GRID2: variants seen among roughly 807,000 people sequenced by gnomAD.
GRID2 encodes the protein glutamate ionotropic receptor delta type subunit 2, also known as glutamate receptor ionotropic, delta-2.
In GRID2, 33 loss-of-function variants were observed where a neutral mutation model predicts 114.8. That is an observed-to-expected ratio of 0.29 (90% confidence interval 0.22 to 0.38). The LOEUF is 0.38. Ranked by LOEUF, GRID2 falls within the 10% of genes least tolerant of loss-of-function variation. The probability of loss-of-function intolerance (pLI) is 1.00; values close to 1 mark genes in which losing one functional copy is unlikely to be tolerated. For missense variants in GRID2, 1,184 were observed against 1,257.7 expected (o/e 0.94, Z 0.89); for synonymous variants, 505 against 449.9 (o/e 1.12, Z -1.55).
chr4:93,344,876 T>G (rs190741421), intron 8 of GRID2, among the ~76,000 whole-genome samples: 88 of 151,948 alleles, frequency 5.8e-4, no homozygotes, highest in African/African-American at 2.0e-3. Context: ...CATGTAGTAT[T>G]TGTCTTTCTA....
intron 2 of GRID2, among the ~76,000 whole-genome samples, chr4:92,938,171 C>A (rs1233749153): frequency 2.0e-5 from 3 of 146,492 alleles, no homozygotes; most frequent in Admixed American, 7.4e-5. Context: ...TGTTGAACCA[C>A]CCTGGTATTG....
chr4:93,188,976 A>AC (rs1379857447), intron 4 of GRID2, among the ~76,000 whole-genome samples: 1 of 152,174 alleles, frequency 6.6e-6, no homozygotes, highest in Admixed American at 6.5e-5. Context: ...CCATTTAGGT[A>AC]ATCTCTAAAA....
At chr4:93,006,295 CAG>C (rs1302858231) in intron 2 of GRID2, among the ~76,000 whole-genome samples, 2 of 152,010 alleles carry the variant, frequency 1.3e-5, no homozygotes, top group Non-Finnish European at 2.9e-5. Context: ...GAAAGACAGA[CAG>C]AGACTGTGCA....
Position 92,979,225 on chromosome 4 carries a change from TG to T in GRID2, c.245-105769del, listed in dbSNP as rs1754044176. On this transcript the variant is annotated intron_variant, in intron 2 of 15. Transcript: ENST00000282020. ...TCATTATTAATTGAATATTATATGC[TG>T]AAAAGGTAATATTCTGGATACATTT... 2.0e-5 allele frequency among the ~76,000 whole-genome samples: 3 copies of T among 152,126 alleles called. No homozygotes were observed. The South Asian group carries it at 6.2e-4, about 32-fold the overall frequency.
At chr4:93,349,017 C>A (rs1022424833) in intron 8 of GRID2, among the ~76,000 whole-genome samples, 15 of 152,070 alleles carry the variant, frequency 9.9e-5, no homozygotes, top group Non-Finnish European at 1.8e-4. Context: ...GCTGAAACTG[C>A]CTCTAAAAGC....
At position 93,328,923 on chromosome 4, in the gene GRID2, G is replaced by A. The variant is rs554309018; in HGVS notation, c.1246-66684G>A. On this transcript the variant is annotated intron_variant, in intron 8 of 15. Transcript: ENST00000282020. ...CAAGGATAAAACTCTAGAGAAGGCC[G>A]ATACTTATTTTATGCTTTCTAAAGA... Among the ~76,000 whole-genome samples the A allele has an allele frequency of 5.3e-5, 8 of 152,202 alleles. No individual in the cohort carries two copies. In the South Asian group the frequency reaches 8.3e-4, roughly 16 times the overall value.
chr4:93,491,907 T>C (rs1727044283), intron 12 of GRID2, among the ~76,000 whole-genome samples: 1 of 151,898 alleles, frequency 6.6e-6, no homozygotes, highest in African/African-American at 2.4e-5. Flanking sequence ...GTAATGCTAA[T>C]AAGTAGTCAA....
intron 3 of GRID2, among the ~76,000 whole-genome samples, chr4:93,090,859 A>G (rs1379640812): frequency 6.6e-6 from 1 of 151,964 alleles, no homozygotes; most frequent in Non-Finnish European, 1.5e-5. Flanking sequence ...AACAAATATT[A>G]CCTCCTATGT....
chr4:92,362,114 C>G (rs191739852), intron 1 of GRID2, among the ~76,000 whole-genome samples: 99 of 152,106 alleles, frequency 6.5e-4, no homozygotes, highest in African/African-American at 2.4e-3. Context: ...ATGATGTCCC[C>G]TTCACAGTAG....
intron 1 of GRID2, among the ~76,000 whole-genome samples, chr4:92,510,858 T>TAAAAAAA (rs58768935): frequency 6.9e-6 from 1 of 144,036 alleles, no homozygotes; most frequent in African/African-American, 2.6e-5. Flanking sequence ...ATGTGTCAAT[T>TAAAAAAA]AAAAAAAAAA....
intron 1 of GRID2, among the ~76,000 whole-genome samples, chr4:92,428,371 T>A (rs949485208): frequency 6.6e-6 from 1 of 152,188 alleles, no homozygotes; most frequent in South Asian, 2.1e-4. Flanking sequence ...TCATCTTTAA[T>A]TCTTATTCTT....
intron 8 of GRID2, among the ~76,000 whole-genome samples, chr4:93,359,869 T>TAAAAA (rs1158118048): frequency 4.2e-5 from 1 of 23,596 alleles, no homozygotes; most frequent in Non-Finnish European, 7.1e-5. Context: ...AAGGAAGGTG[T>TAAAAA]AAAAAAAAAA....
At chr4:93,486,003 A>C (rs918184891) in intron 11 of GRID2, among the ~76,000 whole-genome samples, 3 of 151,716 alleles carry the variant, frequency 2.0e-5, no homozygotes, top group Admixed American at 1.3e-4. Flanking sequence ...AACATGCTAT[A>C]TCTTCATTTA....
chr4:92,539,965 A>G (rs1469357329), intron 1 of GRID2, among the ~76,000 whole-genome samples: 1 of 152,204 alleles, frequency 6.6e-6, no homozygotes, highest in Non-Finnish European at 1.5e-5. Context: ...CCAATGGAAC[A>G]GAACAGAACC....
chr4:92,586,249 T>G (rs2149207219), intron 1 of GRID2, among the ~76,000 whole-genome samples: 1 of 152,012 alleles, frequency 6.6e-6, no homozygotes, highest in South Asian at 2.1e-4. Context: ...TTGGTTAGGT[T>G]AGTGAACTTA....
At chr4:92,312,727 A>G (rs1215714294) in intron 1 of GRID2, among the ~76,000 whole-genome samples, 1 of 152,044 alleles carries the variant, frequency 6.6e-6, no homozygotes. Flanking sequence ...CATTTGGGGA[A>G]TATATCATTG....
intron 3 of GRID2, among the ~76,000 whole-genome samples, chr4:93,101,356 C>T (rs1234771255): frequency 6.6e-6 from 1 of 151,862 alleles, no homozygotes; most frequent in Non-Finnish European, 1.5e-5. Context: ...TATTGAACAC[C>T]AGGTCTTATT....
At chr4:92,937,169 C>T (rs1202686207) in intron 2 of GRID2, among the ~76,000 whole-genome samples, 3 of 146,144 alleles carry the variant, frequency 2.1e-5, no homozygotes, top group African/African-American at 7.3e-5. Flanking sequence ...TTGATAGTGT[C>T]CTTAGATACA....
intron 1 of GRID2, among the ~76,000 whole-genome samples, chr4:92,463,381 C>G (rs867065552): frequency 1.3e-5 from 2 of 151,922 alleles, no homozygotes; most frequent in African/African-American, 4.8e-5. Flanking sequence ...AGAGTTTTGA[C>G]TAACATTTTT....
Sources: gnomAD v4.1 joint callset for allele counts (sites outside exome capture counted in the v4.1 genomes callset) on GRCh38, gnomAD v4.1.1 for gene constraint, MANE v1.5 for transcripts, NCBI Gene and HGNC (gene_info 2026-07-23, HGNC 2026-07-21) for gene names.